GOLGB1: variants seen among roughly 807,000 people sequenced by gnomAD.
GOLGB1 encodes golgin B1, also known as golgin subfamily B member 1.
Under a neutral mutation model 336.9 loss-of-function variants are expected in GOLGB1, and 174 were observed. The ratio of observed to expected loss-of-function variants is 0.52; its 90% CI spans 0.46 to 0.59. GOLGB1 has a LOEUF of 0.59. Among genes scored for constraint, GOLGB1 ranks in the 20% least tolerant of loss-of-function variants. GOLGB1 has a pLI of 0.00. For synonymous variants in GOLGB1, 1,208 were observed against 1,289.2 expected, an observed-to-expected ratio of 0.94 and a Z score of 1.35; for missense variants, 3,331 against 3,645.3, an observed-to-expected ratio of 0.91 and a Z score of 2.22.
intron 5 of GOLGB1, among the ~76,000 whole-genome samples, chr3:121,723,270 C>T (rs1168518034): frequency 6.6e-6 from 1 of 152,138 alleles, no homozygotes; most frequent in Non-Finnish European, 1.5e-5. Context: ...TTCATCTTAT[C>T]TGTTGCATCA....
At chr3:121,713,033 G>A (rs564073587) in intron 10 of GOLGB1, among the ~76,000 whole-genome samples, 59 of 152,116 alleles carry the variant, frequency 3.9e-4, no homozygotes, top group Non-Finnish European at 1.5e-4. Flanking sequence ...GTGGTGGCGG[G>A]TACCTGTAAT....
Position 121,692,328 on chromosome 3 carries a change from T to C in GOLGB1, c.7036A>G (p.Ile2346Val). The change falls in exon 14 of 22, where the codon ATC becomes GTC. Residue 2346 changes from isoleucine (I) to valine (V), a missense_variant. By Grantham distance (29) the Ile-to-Val change is conservative. Transcript: ENST00000614479. ...CKEQKGNLEG[I>V]IRQQEADIQN... ...ATATCAGCCTCTTGCTGCCTTATGA[T>C]CCCTTCCAAGTTTCCTTTTTGTTCC... The C allele has an allele frequency of 6.2e-7, 1 of 1,610,318 alleles. No homozygotes were observed. Among genetic ancestry groups the C allele is most frequent in the South Asian group, 1.1e-5 (1 of 90,186 alleles).
intron 17 of GOLGB1, among the ~76,000 whole-genome samples, chr3:121,675,521 C>T (rs144092810): frequency 4.6e-5 from 7 of 151,956 alleles, no homozygotes; most frequent in Non-Finnish European, 8.8e-5. Context: ...CTATATGCAA[C>T]GACATGGATG....
At chr3:121,678,052 C>G (rs1343394887) in intron 15 of GOLGB1, among the ~76,000 whole-genome samples, 1 of 152,184 alleles carries the variant, frequency 6.6e-6, no homozygotes, top group African/African-American at 2.4e-5. Context: ...AAAGAAGAAA[C>G]AAATTTATAT....
At chr3:121,704,222 A>G (rs1490110871) in intron 10 of GOLGB1, among the ~76,000 whole-genome samples, 1 of 152,186 alleles carries the variant, frequency 6.6e-6, no homozygotes, top group African/African-American at 2.4e-5. Flanking sequence ...CGAGGGACAG[A>G]ATGGGAAGAA....
At chr3:121,684,389 T>C (rs1941502297) in intron 14 of GOLGB1, among the ~76,000 whole-genome samples, 2 of 147,706 alleles carry the variant, frequency 1.4e-5, no homozygotes, top group South Asian at 4.2e-4. Context: ...TAGAGGAAAA[T>C]GGTAAAAAAT....
chr3:121,677,256 G>T, intron 16 of GOLGB1, 29 bp downstream of exon 16: 1 of 1,522,258 alleles, frequency 6.6e-7, no homozygotes, highest in African/African-American at 1.4e-5. Flanking sequence ...ATTTATCTCT[G>T]AGTAACAATC....
intron 9 of GOLGB1, among the ~76,000 whole-genome samples, chr3:121,715,559 T>A (rs1038531451): frequency 6.6e-6 from 1 of 151,666 alleles, no homozygotes; most frequent in African/African-American, 2.4e-5. Flanking sequence ...CCCTTGAAAA[T>A]GGCTTTAGGG....
chr3:121,675,642 G>T (rs1940271337), intron 17 of GOLGB1, among the ~76,000 whole-genome samples: 1 of 152,190 alleles, frequency 6.6e-6, no homozygotes, highest in South Asian at 2.1e-4. Flanking sequence ...TGGAGTTCTG[G>T]TATGTTCTGA....
intron 14 of GOLGB1, among the ~76,000 whole-genome samples, chr3:121,690,085 G>A (rs1467509117): frequency 1.3e-5 from 2 of 152,250 alleles, no homozygotes; most frequent in Non-Finnish European, 2.9e-5. Flanking sequence ...TTAAAAGGAA[G>A]TGGGTAAATG....
intron 1 of GOLGB1, among the ~76,000 whole-genome samples, chr3:121,738,935 C>T (rs1946668432): frequency 6.6e-6 from 1 of 152,196 alleles, no homozygotes; most frequent in African/African-American, 2.4e-5. Flanking sequence ...AAATCTCTTT[C>T]TAAAAGTTCA....
chr3:121,711,351 G>C (rs952204733), intron 10 of GOLGB1, among the ~76,000 whole-genome samples: 2 of 151,716 alleles, frequency 1.3e-5, no homozygotes, highest in Non-Finnish European at 2.9e-5. Flanking sequence ...AAAAAACTAA[G>C]AGAAAAATTC....
chr3:121,694,349 T>C lies in GOLGB1; in HGVS notation c.6174A>G (p.Gln2058=), dbSNP rs769344077. The C allele has an allele frequency of 3.7e-6, 6 of 1,612,556 alleles. No individual in the cohort carries two copies. In the African/African-American group the frequency reaches 5.3e-5, roughly 14 times the overall value. Residue 2058 remains glutamine, a synonymous_variant, in exon 13 of 22, where the codon CAA becomes CAG. Transcript: ENST00000614479. The part of the protein sequence containing the change: ...KALEFVQTES[Q]KDLEITKENL... ...TTTCTTTGGTTATTTCCAAATCTTT[T>C]TGAGATTCAGTTTGAACAAATTCTA...
At chr3:121,713,070 G>A (rs1037349260) in intron 10 of GOLGB1, among the ~76,000 whole-genome samples, 5 of 152,114 alleles carry the variant, frequency 3.3e-5, no homozygotes, top group African/African-American at 9.7e-5. Flanking sequence ...GCTGAGGCAG[G>A]AGAATTGCCT....
chr3:121,693,442 C>A (rs765601268), intron 13 of GOLGB1, among the ~76,000 whole-genome samples: 3 of 152,116 alleles, frequency 2.0e-5, no homozygotes, highest in Admixed American at 1.3e-4. Context: ...GAGCCAAAAT[C>A]GTGCCATTGC....
At position 121,695,785 on chromosome 3, in the gene GOLGB1, C is replaced by A; in HGVS notation, c.4738G>T (p.Ala1580Ser). Residue 1580 changes from alanine to serine, a missense_variant, in exon 13 of 22, where the codon GCT becomes TCT. By Grantham distance (99) the Ala-to-Ser change is moderately conservative. Transcript: ENST00000614479. The part of the protein sequence containing the change: ...LSSSCESLKL[A>S]LEGLTEDKEK... ...TTGTCTTCAGTAAGACCCTCTAGAG[C>A]TAGTTTTAGACTTTCACAGGAGCTG... The A allele has an allele frequency of 6.2e-7, 1 of 1,613,434 alleles. No homozygotes were observed. The highest frequency in any genetic ancestry group is 8.5e-7 in the Non-Finnish European group (1 of 1,179,974).
intron 5 of GOLGB1, among the ~76,000 whole-genome samples, chr3:121,724,456 A>T (rs1031016979): frequency 2.6e-5 from 4 of 152,106 alleles, no homozygotes; most frequent in Non-Finnish European, 1.5e-5. Context: ...CTTGAGAGTG[A>T]TGAACTAGGG....
intron 1 of GOLGB1, among the ~76,000 whole-genome samples, chr3:121,733,287 C>CAAAAAAAAAAAAAAAAAAAAAAAAAAA (rs35457720): frequency 1.5e-5 from 1 of 64,650 alleles, no homozygotes; most frequent in Non-Finnish European, 2.7e-5. Flanking sequence ...TGCTCCGTCT[C>CAAAAAAAAAAAAAAAAAAAAAAAAAAA]AAAAAAAAAA....
chr3:121,681,910 T>A, intron 14 of GOLGB1, 45 bp from the exon 15 acceptor site: 1 of 1,337,876 alleles, frequency 7.5e-7, no homozygotes, highest in Non-Finnish European at 1.1e-6. Context: ...CACATCTCAT[T>A]CATCTAACTG....
Sources: gnomAD v4.1 joint callset for allele counts (sites outside exome capture counted in the v4.1 genomes callset) on GRCh38, gnomAD v4.1.1 for gene constraint, MANE v1.5 for transcripts, NCBI Gene and HGNC (gene_info 2026-07-23, HGNC 2026-07-21) for gene names.